SEL1L3: variants seen among roughly 807,000 people sequenced by gnomAD.
SEL1L3 encodes SEL1L family member 3.
A neutral mutation model predicts 142.8 loss-of-function variants in SEL1L3; 76 were observed. The observed-to-expected ratio is 0.53, with a 90% CI of 0.44 to 0.64. SEL1L3 has a LOEUF of 0.64. Among genes scored for constraint, SEL1L3 ranks in the 30% least tolerant of loss-of-function variants. The pLI, the probability that SEL1L3 is intolerant of heterozygous loss-of-function variation, is 0.00. For synonymous variants in SEL1L3, 504 were observed against 519.6 expected, an observed-to-expected ratio of 0.97 and a Z score of 0.41; for missense variants, 1,262 against 1,381.7, an observed-to-expected ratio of 0.91 and a Z score of 1.37.
At chr4:25,793,038 A>C (rs1712461117) in intron 11 of SEL1L3, among the ~76,000 whole-genome samples, 1 of 152,240 alleles carries the variant, frequency 6.6e-6, no homozygotes. Flanking sequence ...TGTTTTGCCC[A>C]GATTGACTCA....
downstream of SEL1L3, among the ~76,000 whole-genome samples, chr4:25,746,034 A>C (rs966025947): frequency 4.0e-4 from 61 of 152,258 alleles, 1 homozygote; most frequent in African/African-American, 1.4e-3. Context: ...GCTTTGCTCA[A>C]ATCTCAGTGT....
chr4:25,797,440 C>G (rs772992118), intron 11 of SEL1L3, among the ~76,000 whole-genome samples: 5 of 152,106 alleles, frequency 3.3e-5, no homozygotes, highest in Admixed American at 6.6e-5. Flanking sequence ...AGTAGGAGTG[C>G]GTGTGTTTTC....
At chr4:25,722,285 C>T in the SEL1L3 span, among the ~76,000 whole-genome samples, 82 of 152,214 alleles carry the variant, frequency 5.4e-4, no homozygotes, top group African/African-American at 1.4e-3. Context: ...TCTCTTGGTA[C>T]GAAAGAGGAC....
At chr4:25,852,134 T>C (rs1209542431) in intron 1 of SEL1L3, among the ~76,000 whole-genome samples, 1 of 152,148 alleles carries the variant, frequency 6.6e-6, no homozygotes, top group Non-Finnish European at 1.5e-5. Flanking sequence ...ATCTCATAAT[T>C]AGAAGCAGAG....
At chr4:25,722,747 G>A in the SEL1L3 span, among the ~76,000 whole-genome samples, 469 of 151,446 alleles carry the variant, frequency 3.1e-3, 1 homozygote, top group Non-Finnish European at 5.4e-3. Context: ...ATGAGCCACC[G>A]TGCCTGGCTA....
the SEL1L3 span, chr4:25,718,440 T>C: frequency 6.6e-6 from 1 of 152,164 alleles, no homozygotes. Flanking sequence ...ATCTATGGAC[T>C]CGCTCATAGT....
chr4:25,782,372 A>G lies in SEL1L3; in HGVS notation c.2327T>C (p.Phe776Ser). The G allele has an allele frequency of 6.2e-7, 1 of 1,613,780 alleles. No individual in the cohort carries two copies. The highest frequency in any genetic ancestry group is 8.5e-7 in the Non-Finnish European group (1 of 1,179,782). The change falls in exon 15 of 24, where the codon TTC becomes TCC. Residue 776 changes from phenylalanine to serine, a missense_variant. Phe to Ser is a radical substitution (Grantham distance 155). Transcript: ENST00000399878. ...VNGLGWYYHK[F>S]KKNYAKAAKY... ...TGCTGCTTTGGCGTAATTTTTCTTG[A>G]ATTTGTGGTAATACCATCCCAGGCC...
chr4:25,765,205 G>A (rs1718632104), intron 20 of SEL1L3, 121 bp downstream of exon 20: 1 of 692,404 alleles, frequency 1.4e-6, no homozygotes, highest in East Asian at 2.6e-5. Context: ...TGTTGCTCAG[G>A]CTGGTCCCGA....
At position 25,819,751 on chromosome 4, in the gene SEL1L3, ATG is replaced by A; in HGVS notation, c.1423+55_1423+56del. The A allele has an allele frequency of 2.0e-6, 3 of 1,532,844 alleles. No individual in the cohort carries two copies. In the East Asian group the frequency reaches 6.9e-5, roughly 35 times the overall value. The allele number at this position is 1,532,844 out of a possible 1,614,324, so 95.0% of individuals were successfully genotyped here. A position where few individuals can be genotyped will look rare whatever the true frequency, so the allele number is the denominator to read the frequency against. On this transcript the variant is annotated intron_variant, in intron 8 of 23. Coordinates refer to ENST00000399878, the MANE Select transcript of SEL1L3 (RefSeq NM_015187.5). Reference sequence around the variant, plus strand: ...TAATCCTGTTATGGAGAAGCCAAACATGTGTTTATGTAAATGCACAGAGCTTA... The same window carrying A: ...TAATCCTGTTATGGAGAAGCCAAACATGTTTATGTAAATGCACAGAGCTTA...
chr4:25,743,908 C>T (rs1717186596), downstream of SEL1L3, among the ~76,000 whole-genome samples: 1 of 152,142 alleles, frequency 6.6e-6, no homozygotes, highest in African/African-American at 2.4e-5. Context: ...CCAGCTTGGA[C>T]ACTAGGCTTG....
At chr4:25,722,253 CT>C in the SEL1L3 span, among the ~76,000 whole-genome samples, 5 of 152,158 alleles carry the variant, frequency 3.3e-5, no homozygotes, top group African/African-American at 1.2e-4. Flanking sequence ...TAGGTGCTAT[CT>C]CTGATGATAA....
intron 2 of SEL1L3, among the ~76,000 whole-genome samples, chr4:25,840,159 G>C (rs1170780479): frequency 1.3e-5 from 2 of 152,080 alleles, no homozygotes; most frequent in Admixed American, 1.3e-4. Context: ...CTTTCCCATG[G>C]TACTATTATG....
chr4:25,744,801 C>A (rs955822799), downstream of SEL1L3, among the ~76,000 whole-genome samples: 2 of 152,192 alleles, frequency 1.3e-5, no homozygotes, highest in Non-Finnish European at 2.9e-5. Context: ...GACACAGACA[C>A]ACGCAGAAGA....
chr4:25,802,038 A>T (rs1199260461), intron 11 of SEL1L3, among the ~76,000 whole-genome samples: 2 of 152,032 alleles, frequency 1.3e-5, no homozygotes, highest in Admixed American at 1.3e-4. Flanking sequence ...GGCCAAGTTG[A>T]CTCTTCACAT....
At chr4:25,790,159 G>A (rs951665061) in intron 12 of SEL1L3, among the ~76,000 whole-genome samples, 4 of 152,178 alleles carry the variant, frequency 2.6e-5, no homozygotes. Context: ...GAGGGGCCAC[G>A]TGATTTGCAT....
At chr4:25,742,386 A>G in the SEL1L3 span, among the ~76,000 whole-genome samples, 1 of 152,046 alleles carries the variant, frequency 6.6e-6, no homozygotes, top group African/African-American at 2.4e-5. Flanking sequence ...GGGTTTCACC[A>G]TGTTGCCCTG....
At position 25,782,674 on chromosome 4, in the gene SEL1L3, T is replaced by C. The variant is rs370576090; in HGVS notation, c.2281-256A>G. 6.4e-4 allele frequency among the ~76,000 whole-genome samples: 98 copies of C among 152,294 alleles called. 2 individuals are homozygous for C. The South Asian group carries it at 0.02, about 31-fold the overall frequency. ...TGCAGCAATGTTATCCCCCAAATCA[T>C]TGTTCTGCTCCTTTGGGCTCTTACG... On this transcript the variant is annotated intron_variant, in intron 14 of 23. Coordinates refer to ENST00000399878, the MANE Select transcript of SEL1L3 (RefSeq NM_015187.5).
At chr4:25,739,917 C>CT in the SEL1L3 span, among the ~76,000 whole-genome samples, 9 of 149,444 alleles carry the variant, frequency 6.0e-5, no homozygotes, top group South Asian at 2.1e-4. Context: ...GATTCAGTTT[C>CT]TTTTTTTTTC....
At chr4:25,757,291 A>C (rs181368781) in intron 23 of SEL1L3, among the ~76,000 whole-genome samples, 2 of 151,936 alleles carry the variant, frequency 1.3e-5, no homozygotes, top group East Asian at 3.9e-4. Flanking sequence ...TAAAATAAAA[A>C]ATAAAATCCT....
Sources: gnomAD v4.1 joint callset for allele counts (sites outside exome capture counted in the v4.1 genomes callset) on GRCh38, gnomAD v4.1.1 for gene constraint, MANE v1.5 for transcripts, NCBI Gene and HGNC (gene_info 2026-07-23, HGNC 2026-07-21) for gene names.